The following ITPA variants were observed in gnomAD, a reference collection of about 807,000 sequenced individuals.
The protein encoded by ITPA is inosine triphosphate pyrophosphatase.
In ITPA, 29 loss-of-function variants were observed where a neutral mutation model predicts 29.6. The observed-to-expected ratio is 0.98, with a 90% confidence interval of 0.73 to 1.34. The LOEUF (loss-of-function observed/expected upper bound fraction) is 1.34. ITPA is among the 40% of genes most tolerant of loss of function. The pLI is 0.00. For synonymous variants in ITPA, 103 were observed against 99.3 expected, an observed-to-expected ratio of 1.04 and a Z score of -0.22; for missense variants, 241 against 251.5, an observed-to-expected ratio of 0.96 and a Z score of 0.28.
upstream of ITPA, among the ~76,000 whole-genome samples, chr20:3,204,170 G>C (rs565119649): frequency 2.0e-5 from 3 of 152,210 alleles, no homozygotes; most frequent in Non-Finnish European, 4.4e-5. Context: ...TCTGGAGCCA[G>C]GCTGGGAGGA....
chr20:3,226,428 T>G (rs2067555459), downstream of ITPA, among the ~76,000 whole-genome samples: 1 of 152,174 alleles, frequency 6.6e-6, no homozygotes, highest in Admixed American at 6.5e-5. This position sits in a 1 kb window ranked among gnomAD's most constrained non-coding sequence, Gnocchi z 4.4. Flanking sequence ...GAGAGCATGC[T>G]CATACCCACC....
At chr20:3,204,561 G>T, upstream of ITPA, 1 of 1,576,316 alleles carries the variant, frequency 6.3e-7, no homozygotes. Flanking sequence ...CCCCGGCTGC[G>T]AGTCAGGAAG....
At position 3,221,788 on chromosome 20, in the gene ITPA, C is replaced by T. The variant is rs778331951; in HGVS notation, c.412-53C>T. The T allele has an allele frequency of 2.1e-5, 32 of 1,542,834 alleles. No individual in the cohort carries two copies. The East Asian group carries it at 5.4e-4, about 26-fold the overall frequency. On this transcript the variant is annotated intron_variant, in intron 6 of 7. Transcript: ENST00000380113. ...AACTCATACTGGCCACTGCCCTCCT[C>T]GTGCTTGTCCTCTGGACCCAGTTAC...
rs556000144 is a variant in ITPA, at chr20:3,217,979, C to A, written c.296-538C>A. On this transcript the variant is annotated intron_variant, in intron 5 of 7. Transcript: ENST00000380113. ...GTCGCCCAGGCTGGAGTGCAGTGGC[C>A]CGATCTCGGCTCACTGCAAGCTCCG... 3.3e-5 allele frequency among the ~76,000 whole-genome samples: 5 copies of A among 150,366 alleles called. No individual in the cohort carries two copies. In the East Asian group the frequency reaches 6.0e-4, roughly 18 times the overall value.
chr20:3,225,485 C>T (rs1278466158), downstream of ITPA, among the ~76,000 whole-genome samples: 1 of 152,128 alleles, frequency 6.6e-6, no homozygotes, highest in African/African-American at 2.4e-5. Context: ...CCATAAAAAC[C>T]CAAAAGGCCA....
upstream of ITPA, chr20:3,204,707 G>T: frequency 7.1e-7 from 1 of 1,401,448 alleles, no homozygotes; most frequent in South Asian, 1.3e-5. Context: ...TCCCAATCTA[G>T]ACTCCGCCCA....
intron 3 of ITPA, 34 bp from the exon 4 acceptor site, chr20:3,213,951 A>G (rs1229627901): frequency 1.2e-6 from 2 of 1,611,608 alleles, no homozygotes; most frequent in Non-Finnish European, 1.7e-6. Flanking sequence ...GATGGTGATC[A>G]TGGGTCTCAG....
At chr20:3,204,246 A>G (rs2067055279), upstream of ITPA, among the ~76,000 whole-genome samples, 2 of 152,044 alleles carry the variant, frequency 1.3e-5, no homozygotes, top group African/African-American at 2.4e-5. Context: ...GACGGATGGG[A>G]GTGTGCGCCG....
upstream of ITPA, among the ~76,000 whole-genome samples, chr20:3,208,449 C>A (rs1391985585): frequency 2.0e-5 from 3 of 152,210 alleles, no homozygotes; most frequent in African/African-American, 4.8e-5. Context: ...GATCTCCGCT[C>A]ACTGCAACCC....
chr20:3,223,527 C>CATCG lies in ITPA; in HGVS notation c.*66_*69dup. On this transcript the variant is annotated 3_prime_UTR_variant, in exon 8 of 8. Transcript: ENST00000380113. Reference sequence around the variant, plus strand: ...GGGAGGGCTAGCCCAAAACCTCCCGCATCGGGCAGGCACCCCCTGAAGTAC... The same window carrying CATCG: ...GGGAGGGCTAGCCCAAAACCTCCCGCATCGATCGGGCAGGCACCCCCTGAAGTAC... 7.9e-7 allele frequency: 1 copy of CATCG among 1,260,882 alleles called. No individual in the cohort carries two copies. The highest frequency in any genetic ancestry group is 1.1e-6 in the Non-Finnish European group (1 of 880,324). The allele number at this position is 1,260,882 out of a possible 1,614,324, so 78.1% of individuals were successfully genotyped here. A position where few individuals can be genotyped will look rare whatever the true frequency, so the allele number is the denominator to read the frequency against.
In ITPA at chr20:3,223,553, T is replaced by A; in HGVS notation, c.*91T>A. 2 of 945,288 alleles carry A rather than the reference T, an allele frequency of 2.1e-6. No individual in the cohort carries two copies. Among genetic ancestry groups the A allele is most frequent in the Non-Finnish European group, 3.3e-6 (2 of 603,022 alleles). 58.6% of individuals were successfully genotyped at this position (945,288 alleles called of 1,614,324 possible). A position where few individuals can be genotyped will look rare whatever the true frequency, so the allele number is the denominator to read the frequency against. ...ATCGGGCAGGCACCCCCTGAAGTAC[T>A]TCCTTCAGGGTTTCCCCTTTGTGAG... On this transcript the variant is annotated 3_prime_UTR_variant, in exon 8 of 8. Coordinates refer to ENST00000380113, the MANE Select transcript of ITPA (RefSeq NM_033453.4).
At chr20:3,204,792 T>C, upstream of ITPA, 1 of 614,644 alleles carries the variant, frequency 1.6e-6, no homozygotes, top group Non-Finnish European at 2.8e-6. Flanking sequence ...TTGGGGGGTG[T>C]AAAGAAACCC....
chr20:3,218,468 T>A (rs1247825861), intron 5 of ITPA, 49 bp from the exon 6 acceptor site: 1 of 1,285,948 alleles, frequency 7.8e-7, no homozygotes, highest in Middle Eastern at 1.8e-4. Flanking sequence ...GGAGTGGGGG[T>A]GGGAGTTGGC....
chr20:3,222,704 C>T (rs2067496498), intron 7 of ITPA, among the ~76,000 whole-genome samples: 1 of 152,166 alleles, frequency 6.6e-6, no homozygotes, highest in South Asian at 2.1e-4. Flanking sequence ...TGGAGGGGCC[C>T]TTAGGGAGCG....
chr20:3,209,266 G>A, upstream of ITPA: 1 of 503,684 alleles, frequency 2.0e-6, no homozygotes, highest in Non-Finnish European at 3.6e-6. The surrounding 1 kb of genome is among the most constrained non-coding windows in gnomAD (Gnocchi z 4.6). Context: ...CAGGGGCGGG[G>A]TGGGGGTGGG....
chr20:3,204,554 C>G, upstream of ITPA: 1 of 1,572,310 alleles, frequency 6.4e-7, no homozygotes. Context: ...CGCCCGGCCC[C>G]GGCTGCGAGT....
chr20:3,223,560 A>G lies in ITPA; in HGVS notation c.*98A>G, dbSNP rs147032627. On this transcript the variant is annotated 3_prime_UTR_variant, in exon 8 of 8. Transcript: ENST00000380113. ...AGGCACCCCCTGAAGTACTTCCTTC[A>G]GGGTTTCCCCTTTGTGAGGGTGTCG... 2,195 of 907,358 alleles carry G rather than the reference A, an allele frequency of 2.4e-3. 65 individuals carry two copies. The Admixed American group carries it at 0.041, about 17-fold the overall frequency. 56.2% of individuals were successfully genotyped at this position (907,358 alleles called of 1,614,324 possible). A position where few individuals can be genotyped will look rare whatever the true frequency, so the allele number is the denominator to read the frequency against.
At chr20:3,217,005 C>T (rs957617589) in intron 5 of ITPA, among the ~76,000 whole-genome samples, 1 of 152,088 alleles carries the variant, frequency 6.6e-6, no homozygotes, top group Non-Finnish European at 1.5e-5. Flanking sequence ...CTCAGCCTCC[C>T]AAGTAGCTGG....
upstream of ITPA, among the ~76,000 whole-genome samples, chr20:3,206,055 C>CAAAA (rs537649838): frequency 1.7e-5 from 1 of 58,698 alleles, no homozygotes; most frequent in Non-Finnish European, 4.0e-5. Flanking sequence ...GACTCTGTCT[C>CAAAA]AAAAAAAAAA....
Sources: gnomAD v4.1 joint callset for allele counts (sites outside exome capture counted in the v4.1 genomes callset) on GRCh38, gnomAD v4.1.1 for gene constraint, Gnocchi (gnomAD v3.1) non-coding constraint, MANE v1.5 for transcripts, NCBI Gene and HGNC (gene_info 2026-07-23, HGNC 2026-07-21) for gene names.